TSHZ2: variants seen among roughly 807,000 people sequenced by gnomAD.
TSHZ2 encodes teashirt zinc finger homeobox 2, also known as teashirt homolog 2.
TSHZ2 carries 21 observed loss-of-function variants against 74.4 expected under a neutral mutation model. The ratio of observed to expected loss-of-function variants is 0.28; its 90% CI spans 0.20 to 0.41. The LOEUF (loss-of-function observed/expected upper bound fraction) is 0.41, where lower values mean the gene tolerates loss of function less well. TSHZ2 is among the 10% of genes least tolerant of loss of function. TSHZ2 has a pLI of 1.00. For synonymous variants in TSHZ2, 540 were observed against 515.3 expected (o/e 1.05, Z -0.65); for missense variants, 1,244 against 1,293.5 (o/e 0.96, Z 0.59).
At chr20:53,056,015 C>T (rs952987190) in intron 1 of TSHZ2, among the ~76,000 whole-genome samples, 8 of 152,182 alleles carry the variant, frequency 5.3e-5, no homozygotes, top group African/African-American at 1.9e-4. Context: ...TTATTTTCTT[C>T]ACAGTAATGC....
intron 2 of TSHZ2, among the ~76,000 whole-genome samples, chr20:53,408,631 G>A (rs1198721414): frequency 1.3e-5 from 2 of 151,762 alleles, no homozygotes; most frequent in African/African-American, 4.9e-5. Context: ...GAGGAAAGGG[G>A]CCAAACCGTT....
chr20:53,387,534 G>A (rs1982093445), intron 2 of TSHZ2, among the ~76,000 whole-genome samples: 1 of 152,198 alleles, frequency 6.6e-6, no homozygotes, highest in South Asian at 2.1e-4. Flanking sequence ...AAGGCCAGCT[G>A]GGGTAAATCA....
intron 2 of TSHZ2, among the ~76,000 whole-genome samples, chr20:53,350,237 GC>G (rs1303998433): frequency 6.6e-6 from 1 of 152,218 alleles, no homozygotes; most frequent in Non-Finnish European, 1.5e-5. Flanking sequence ...CATTTATTCA[GC>G]CTATCACATA....
At chr20:53,234,981 G>C (rs757287567) in intron 1 of TSHZ2, among the ~76,000 whole-genome samples, 63 of 152,140 alleles carry the variant, frequency 4.1e-4, no homozygotes, top group Non-Finnish European at 2.6e-4. Flanking sequence ...ATCAATTCAT[G>C]GAGGAGTCAA....
At chr20:53,105,199 G>A (rs1187025313) in intron 1 of TSHZ2, among the ~76,000 whole-genome samples, 1 of 152,166 alleles carries the variant, frequency 6.6e-6, no homozygotes, top group Non-Finnish European at 1.5e-5. Context: ...TCGTGGCCAC[G>A]TGAAATTTGC....
At chr20:53,326,681 C>T (rs1979507704) in intron 2 of TSHZ2, among the ~76,000 whole-genome samples, 1 of 151,994 alleles carries the variant, frequency 6.6e-6, no homozygotes, top group South Asian at 2.1e-4. Flanking sequence ...GATGTGCCAT[C>T]GTTGGAGGAG....
chr20:53,305,486 C>T (rs1040931501), intron 2 of TSHZ2, among the ~76,000 whole-genome samples: 1 of 152,086 alleles, frequency 6.6e-6, no homozygotes, highest in Non-Finnish European at 1.5e-5. Context: ...CAAGCTATAT[C>T]CCAGACAAGT....
At chr20:53,172,400 G>T (rs1253051305) in intron 1 of TSHZ2, among the ~76,000 whole-genome samples, 1 of 151,758 alleles carries the variant, frequency 6.6e-6, no homozygotes, top group Admixed American at 6.6e-5. Context: ...CTATTGTTTG[G>T]GTTTTATTTT....
chr20:53,430,288 A>G (rs938648839), intron 2 of TSHZ2, among the ~76,000 whole-genome samples: 7 of 151,924 alleles, frequency 4.6e-5, no homozygotes, highest in African/African-American at 1.7e-4. Context: ...TATTTTTAGT[A>G]GAGACAGGGT....
At position 53,121,210 on chromosome 20, in the gene TSHZ2, A is replaced by G. The variant is rs370566525; in HGVS notation, c.41-132289A>G. On this transcript the variant is annotated intron_variant, in intron 1 of 2. Transcript: ENST00000371497. ...TATGTGTGTCTGTGTGTGTATGTAT[A>G]ACATGTGAAAGTATTTATGAAAACA... is the stretch of plus-strand genomic sequence containing the variant. 8.5e-5 allele frequency among the ~76,000 whole-genome samples: 13 copies of G among 152,318 alleles called. No individual in the cohort carries two copies. The East Asian group carries it at 1.2e-3, about 14-fold the overall frequency.
intron 1 of TSHZ2, among the ~76,000 whole-genome samples, chr20:53,009,047 G>T (rs894478474): frequency 7.0e-6 from 1 of 143,566 alleles, no homozygotes. Flanking sequence ...ATCTTGTACT[G>T]GCTGGGCATG....
At chr20:53,190,176 T>C (rs984326049) in intron 1 of TSHZ2, among the ~76,000 whole-genome samples, 1 of 141,872 alleles carries the variant, frequency 7.0e-6, no homozygotes, top group African/African-American at 2.6e-5. Flanking sequence ...TATATCGCTA[T>C]CTGTGTTTCT....
At chr20:53,412,745 C>G (rs1370378367) in intron 2 of TSHZ2, 1 of 152,452 alleles carries the variant, frequency 6.6e-6, no homozygotes, top group Admixed American at 6.5e-5. Flanking sequence ...CCCACAGGCT[C>G]TCTCCCCTGC....
intron 2 of TSHZ2, among the ~76,000 whole-genome samples, chr20:53,278,403 T>C (rs1378656917): frequency 6.6e-6 from 1 of 152,224 alleles, no homozygotes; most frequent in South Asian, 2.1e-4. Context: ...TCATTTTTCT[T>C]GATTGGACCT....
chr20:53,467,569 T>A (rs948016419), intron 2 of TSHZ2, among the ~76,000 whole-genome samples: 26 of 152,346 alleles, frequency 1.7e-4, no homozygotes, highest in African/African-American at 6.3e-4. Flanking sequence ...TATATATTAT[T>A]ATCCTGATTT....
chr20:53,089,341 T>TTTTTTTTTA (rs370108566), intron 1 of TSHZ2, among the ~76,000 whole-genome samples: 1 of 129,790 alleles, frequency 7.7e-6, no homozygotes, highest in Non-Finnish European at 1.6e-5. Flanking sequence ...TTTTTTTTTT[T>TTTTTTTTTA]ATTAAACAGA....
chr20:53,430,930 A>G (rs1983825805), intron 2 of TSHZ2, among the ~76,000 whole-genome samples: 1 of 151,824 alleles, frequency 6.6e-6, no homozygotes, highest in African/African-American at 2.4e-5. Context: ...TAATTTTTGT[A>G]TTTTTAGTAG....
chr20:53,342,602 C>T (rs1457601165), intron 2 of TSHZ2, among the ~76,000 whole-genome samples: 2 of 152,082 alleles, frequency 1.3e-5, no homozygotes, highest in Non-Finnish European at 2.9e-5. Context: ...TTCTTTCATC[C>T]TCATAAGCAC....
At chr20:53,050,093 G>GTATATGTGTATATATATATACATATA (rs1984371468) in intron 1 of TSHZ2, among the ~76,000 whole-genome samples, 2 of 69,340 alleles carry the variant, frequency 2.9e-5, no homozygotes, top group African/African-American at 2.2e-4. Context: ...AAAAAAAAAT[G>GTATATGTGTATATATATATACATATA]TATATGTGTG....
Sources: gnomAD v4.1 joint callset for allele counts (sites outside exome capture counted in the v4.1 genomes callset) on GRCh38, gnomAD v4.1.1 for gene constraint, MANE v1.5 for transcripts, NCBI Gene and HGNC (gene_info 2026-07-23, HGNC 2026-07-21) for gene names.